The following DOK5 variants were observed in gnomAD, a reference collection of about 807,000 sequenced individuals.
The protein encoded by DOK5 is docking protein 5.
In DOK5, 27 loss-of-function variants were observed where a neutral mutation model predicts 43.3. The ratio of observed to expected loss-of-function variants is 0.62; its 90% CI spans 0.46 to 0.86. The LOEUF (loss-of-function observed/expected upper bound fraction) is 0.86. Among genes scored for constraint, DOK5 ranks in the 40% least tolerant of loss-of-function variants. The probability of loss-of-function intolerance (pLI) is 0.00; values close to 1 mark genes in which losing one functional copy is unlikely to be tolerated. For missense variants in DOK5, 373 were observed against 392.9 expected (o/e 0.95, Z 0.43); for synonymous variants, 146 against 140.1 (o/e 1.04, Z -0.30).
chr20:54,641,989 T>A (rs1979140750), intron 6 of DOK5, among the ~76,000 whole-genome samples: 1 of 152,202 alleles, frequency 6.6e-6, no homozygotes, highest in South Asian at 2.1e-4. Flanking sequence ...GAAATTCAAC[T>A]TTGCAAATAG....
At chr20:54,494,703 ACTCTC>A (rs1429777713) in intron 1 of DOK5, 1 of 151,978 alleles carries the variant, frequency 6.6e-6, no homozygotes, top group African/African-American at 2.4e-5. Flanking sequence ...AAAATGCCCC[ACTCTC>A]CTCAGTAGAT....
At chr20:54,482,354 T>C (rs1981752997) in intron 1 of DOK5, among the ~76,000 whole-genome samples, 3 of 152,248 alleles carry the variant, frequency 2.0e-5, no homozygotes, top group Non-Finnish European at 2.9e-5. Flanking sequence ...TAGTTTCACC[T>C]GACCTGGTAT....
intron 1 of DOK5, among the ~76,000 whole-genome samples, chr20:54,548,242 T>G (rs1049634214): frequency 6.6e-6 from 1 of 151,778 alleles, no homozygotes; most frequent in Non-Finnish European, 1.5e-5. Context: ...TATTTATTTA[T>G]TTATTTATTT....
At position 54,488,272 on chromosome 20, in the gene DOK5, G is replaced by A. The variant is rs968948029; in HGVS notation, c.66+12260G>A. Reference sequence around the variant, plus strand: ...ATTGGATAGCAACCCTTCCCAGAGAGTTTGTCCTCTTGGAGAAGTCTTCAC... The same window carrying A: ...ATTGGATAGCAACCCTTCCCAGAGAATTTGTCCTCTTGGAGAAGTCTTCAC... On this transcript the variant is annotated intron_variant, in intron 1 of 7. Transcript: ENST00000262593. Among the ~76,000 whole-genome samples the A allele has an allele frequency of 2.0e-5, 3 of 152,112 alleles. No homozygotes were observed. In the South Asian group the frequency reaches 6.2e-4, roughly 32 times the overall value.
In DOK5 at chr20:54,475,626, G is replaced by C. The variant is rs1981384101; in HGVS notation, c.-321G>C. ...CCTCCTTCTCGGCCGGGAGGAGGCA[G>C]GGCTGGATCCCTCAGCCGCCGCCGC... On this transcript the variant is annotated 5_prime_UTR_variant, in exon 1 of 8. Coordinates refer to ENST00000262593, the MANE Select transcript of DOK5 (RefSeq NM_018431.5). This position sits in a 1 kb window ranked among gnomAD's most constrained non-coding sequence, Gnocchi z 4.2. 2.2e-6 allele frequency: 1 copy of C among 461,342 alleles called. No individual in the cohort carries two copies. Among genetic ancestry groups the C allele is most frequent in the South Asian group, 2.4e-5 (1 of 41,300 alleles). 28.6% of individuals were successfully genotyped at this position (461,342 alleles called of 1,614,324 possible).
chr20:54,611,166 A>G (rs760817562), intron 6 of DOK5, among the ~76,000 whole-genome samples: 1 of 152,220 alleles, frequency 6.6e-6, no homozygotes, highest in Non-Finnish European at 1.5e-5. Context: ...TCATCGGTAT[A>G]TAAAGATGCC....
intron 6 of DOK5, among the ~76,000 whole-genome samples, chr20:54,636,635 C>T (rs1247996491): frequency 6.6e-6 from 1 of 152,146 alleles, no homozygotes; most frequent in Non-Finnish European, 1.5e-5. Context: ...CCCTTGCCTG[C>T]CAAACTGTCT....
intron 6 of DOK5, among the ~76,000 whole-genome samples, chr20:54,642,580 C>G (rs1175405342): frequency 6.7e-6 from 1 of 149,910 alleles, no homozygotes; most frequent in African/African-American, 2.5e-5. Context: ...AAAAATTAGC[C>G]GGGCGTGGTG....
intron 2 of DOK5, among the ~76,000 whole-genome samples, chr20:54,565,336 T>C (rs1274909338): frequency 6.6e-6 from 1 of 152,226 alleles, no homozygotes; most frequent in Admixed American, 6.5e-5. Flanking sequence ...GTGGCCTCTC[T>C]CTCTCAAAAT....
At chr20:54,584,605 G>C (rs1231488366) in intron 2 of DOK5, among the ~76,000 whole-genome samples, 1 of 150,372 alleles carries the variant, frequency 6.7e-6, no homozygotes, top group African/African-American at 2.4e-5. Context: ...TACATGTAAT[G>C]TAATGTTATA....
At chr20:54,644,440 C>G (rs989164459) in intron 7 of DOK5, among the ~76,000 whole-genome samples, 2 of 152,062 alleles carry the variant, frequency 1.3e-5, no homozygotes, top group African/African-American at 4.8e-5. Flanking sequence ...CGCAGTGGCT[C>G]ACGCCTGTAA....
chr20:54,628,619 T>C (rs1441288369), intron 6 of DOK5, among the ~76,000 whole-genome samples: 1 of 152,054 alleles, frequency 6.6e-6, no homozygotes, highest in Non-Finnish European at 1.5e-5. Context: ...CAATAACATC[T>C]GCATCTCTGT....
chr20:54,648,560 G>A (rs939414785), intron 7 of DOK5, among the ~76,000 whole-genome samples: 1 of 152,090 alleles, frequency 6.6e-6, no homozygotes, highest in Non-Finnish European at 1.5e-5. Context: ...TCCATAGAGA[G>A]GTCAGCAAAT....
intron 1 of DOK5, among the ~76,000 whole-genome samples, chr20:54,492,160 A>T (rs953257518): frequency 6.6e-6 from 1 of 152,104 alleles, no homozygotes; most frequent in Non-Finnish European, 1.5e-5. Flanking sequence ...GCAAAAAAGG[A>T]TAGAATGAAG....
chr20:54,552,269 A>G (rs1004515998), intron 1 of DOK5, among the ~76,000 whole-genome samples: 1 of 152,168 alleles, frequency 6.6e-6, no homozygotes, highest in African/African-American at 2.4e-5. Context: ...ATCATGACCT[A>G]AATGAAAATT....
In DOK5 at chr20:54,524,636, G is replaced by A. The variant is rs1983520326; in HGVS notation, c.67-30297G>A. ...CTGAGACCAAGAGGAGTTAGAGAAT[G>A]TGTTTGCCCAAAGTCACACAGTAGA... is the stretch of plus-strand genomic sequence containing the variant. On this transcript the variant is annotated intron_variant, in intron 1 of 7. Coordinates refer to ENST00000262593, the MANE Select transcript of DOK5 (RefSeq NM_018431.5). Among the ~76,000 whole-genome samples the A allele has an allele frequency of 2.6e-5, 4 of 152,210 alleles. No individual in the cohort carries two copies. The South Asian group carries it at 8.3e-4, about 32-fold the overall frequency.
intron 2 of DOK5, among the ~76,000 whole-genome samples, chr20:54,585,504 G>A (rs929999908): frequency 3.9e-5 from 6 of 152,130 alleles, no homozygotes; most frequent in African/African-American, 1.4e-4. Context: ...CTTACATAAT[G>A]TCTCACTAGA....
At chr20:54,595,474 T>G (rs1377558360) in intron 5 of DOK5, among the ~76,000 whole-genome samples, 1 of 152,126 alleles carries the variant, frequency 6.6e-6, no homozygotes, top group Non-Finnish European at 1.5e-5. Context: ...GGTGACAAAG[T>G]TGAGAACTAT....
chr20:54,625,558 G>A (rs1987108630), intron 6 of DOK5, among the ~76,000 whole-genome samples: 2 of 152,196 alleles, frequency 1.3e-5, no homozygotes, highest in Non-Finnish European at 2.9e-5. Flanking sequence ...TCTGGAGTAA[G>A]AGGCCAGGTC....
Sources: gnomAD v4.1 joint callset for allele counts (sites outside exome capture counted in the v4.1 genomes callset) on GRCh38, gnomAD v4.1.1 for gene constraint, Gnocchi (gnomAD v3.1) non-coding constraint, MANE v1.5 for transcripts, NCBI Gene and HGNC (gene_info 2026-07-23, HGNC 2026-07-21) for gene names.